PRDM5: variants seen among roughly 807,000 people sequenced by gnomAD.
PRDM5 encodes PR/SET domain 5, also known as PR domain zinc finger protein 5.
Under a neutral mutation model 81.2 loss-of-function variants are expected in PRDM5, and 56 were observed. That is an observed-to-expected ratio of 0.69 (90% CI 0.56 to 0.86). The LOEUF is 0.86. Among genes scored for constraint, PRDM5 ranks in the 40% least tolerant of loss-of-function variants. The probability of loss-of-function intolerance (pLI) is 0.00; values close to 1 mark genes in which losing one functional copy is unlikely to be tolerated. For missense variants in PRDM5, 697 were observed against 770.1 expected (o/e 0.91, Z 1.12); for synonymous variants, 267 against 256.4 (o/e 1.04, Z -0.39).
intron 13 of PRDM5, among the ~76,000 whole-genome samples, chr4:120,759,830 A>G (rs1745334452): frequency 6.6e-6 from 1 of 152,234 alleles, no homozygotes; most frequent in South Asian, 2.1e-4. Flanking sequence ...ACTAACATGT[A>G]AATTAATTAA....
intron 2 of PRDM5, among the ~76,000 whole-genome samples, chr4:120,870,092 G>A (rs1761619158): frequency 6.6e-6 from 1 of 151,950 alleles, no homozygotes; most frequent in Non-Finnish European, 1.5e-5. Context: ...GGGAGAAACA[G>A]CGAGATAAAG....
chr4:120,826,572 C>T (rs1048400587), intron 3 of PRDM5, among the ~76,000 whole-genome samples: 1 of 152,114 alleles, frequency 6.6e-6, no homozygotes, highest in African/African-American at 2.4e-5. Flanking sequence ...TCTCATAATA[C>T]TTGCTCAATA....
At chr4:120,910,239 A>C (rs1766356036) in intron 1 of PRDM5, among the ~76,000 whole-genome samples, 1 of 152,220 alleles carries the variant, frequency 6.6e-6, no homozygotes, top group Admixed American at 6.5e-5. Context: ...TGTTACAAAG[A>C]GTTCATCAAA....
intron 3 of PRDM5, among the ~76,000 whole-genome samples, chr4:120,825,764 C>T (rs1240272624): frequency 6.6e-6 from 1 of 152,136 alleles, no homozygotes; most frequent in Non-Finnish European, 1.5e-5. Flanking sequence ...CTTAAATGCT[C>T]TGCCCTGGAT....
At chr4:120,852,622 C>G (rs1759400406) in intron 3 of PRDM5, among the ~76,000 whole-genome samples, 1 of 151,894 alleles carries the variant, frequency 6.6e-6, no homozygotes, top group African/African-American at 2.4e-5. Flanking sequence ...TTACCAGCTC[C>G]TATAATCATT....
intron 15 of PRDM5, among the ~76,000 whole-genome samples, chr4:120,697,940 A>T (rs937759705): frequency 7.7e-6 from 1 of 129,260 alleles, no homozygotes. Context: ...ATCTGTATTA[A>T]TAAGTATACA....
Position 120,853,538 on chromosome 4 carries a change from A to G in PRDM5, c.180T>C (p.Val60=), listed in dbSNP as rs1490875418. 1 of 1,613,526 alleles carries G rather than the reference A, an allele frequency of 6.2e-7. No individual in the cohort carries two copies. Among genetic ancestry groups the G allele is most frequent in the East Asian group, 2.2e-5 (1 of 44,890 alleles). ...ACAAAACTTCTCCCTTACTCCCACG[A>G]ACCTGAAACATTAAAGGCTCCTGAG... The part of the protein sequence containing the change: ...ENMDYRLMWE[V]RGSKGEVLYI... Residue 60 remains valine (V), a splice_region_variant and synonymous_variant, in exon 3 of 16, where the codon GTT becomes GTC. Coordinates refer to ENST00000264808, the MANE Select transcript of PRDM5 (RefSeq NM_018699.4).
At chr4:120,721,778 C>T (rs1738642869) in intron 14 of PRDM5, among the ~76,000 whole-genome samples, 1 of 152,242 alleles carries the variant, frequency 6.6e-6, no homozygotes, top group Admixed American at 6.5e-5. Flanking sequence ...CAGAGTGACT[C>T]AGCGAGTCTA....
chr4:120,840,427 G>A (rs1280348332), intron 3 of PRDM5, among the ~76,000 whole-genome samples: 1 of 152,000 alleles, frequency 6.6e-6, no homozygotes, highest in Non-Finnish European at 1.5e-5. Flanking sequence ...CCATGGACAT[G>A]GCCCTGGGCA....
intron 3 of PRDM5, among the ~76,000 whole-genome samples, chr4:120,834,542 A>G (rs975541476): frequency 6.6e-6 from 1 of 152,184 alleles, no homozygotes; most frequent in Non-Finnish European, 1.5e-5. Context: ...GCTACCCAGC[A>G]TCATCTATTT....
At chr4:120,807,924 G>C (rs145438264) in intron 8 of PRDM5, among the ~76,000 whole-genome samples, 5,990 of 152,282 alleles carry the variant, frequency 0.039, 184 homozygotes, top group Non-Finnish European at 0.06. Flanking sequence ...TGAAGCTGCA[G>C]ACCTTCGCGG....
At chr4:120,702,070 G>A (rs1396576128) in intron 15 of PRDM5, among the ~76,000 whole-genome samples, 5 of 152,060 alleles carry the variant, frequency 3.3e-5, no homozygotes, top group Non-Finnish European at 7.4e-5. Context: ...TTTGCATAGG[G>A]GCAAGCATGC....
chr4:120,685,092 A>C (rs2148974203), intron 1 of PRDM5: 1 of 152,178 alleles, frequency 6.6e-6, no homozygotes, highest in East Asian at 1.9e-4. Flanking sequence ...TTTTTGATGT[A>C]ATTACATTAT....
intron 14 of PRDM5, among the ~76,000 whole-genome samples, chr4:120,745,619 G>C (rs1404081683): frequency 7.1e-6 from 1 of 140,362 alleles, no homozygotes; most frequent in African/African-American, 2.8e-5. Flanking sequence ...AAAATCACAA[G>C]CATTCCTATA....
At chr4:120,812,302 T>A (rs1213637612) in intron 7 of PRDM5, among the ~76,000 whole-genome samples, 1 of 152,140 alleles carries the variant, frequency 6.6e-6, no homozygotes, top group South Asian at 2.1e-4. Flanking sequence ...GGTATATATC[T>A]ACAGTGGAAT....
In PRDM5 at chr4:120,841,726, G is replaced by A. The variant is rs183945406; in HGVS notation, c.300+11692C>T. 1.5e-3 allele frequency among the ~76,000 whole-genome samples: 226 copies of A among 152,158 alleles called. 2 individuals are homozygous for A. Among genetic ancestry groups the A allele is most frequent in the Non-Finnish European group, 1.8e-3 (125 of 68,004 alleles). ...TCAAAAATACACACCACACACCCAC[G>A]CACTCACACGTACATGGTTGTTAGT... is the stretch of plus-strand genomic sequence containing the variant. On this transcript the variant is annotated intron_variant, in intron 3 of 15. Transcript: ENST00000264808.
chr4:120,867,375 C>CA (rs1761305609), intron 2 of PRDM5, among the ~76,000 whole-genome samples: 1 of 151,872 alleles, frequency 6.6e-6, no homozygotes, highest in Admixed American at 6.6e-5. Flanking sequence ...TTTAAAAAAC[C>CA]AAAACATATG....
intron 2 of PRDM5, among the ~76,000 whole-genome samples, chr4:120,884,973 A>AC (rs1385697223): frequency 2.0e-5 from 3 of 149,134 alleles, no homozygotes; most frequent in Non-Finnish European, 4.4e-5. Context: ...ACATGGTGAA[A>AC]CCCCCTCTCT....
rs1051343170 is a variant in PRDM5 at position 120,821,325 on chromosome 4, A to G, written c.321T>C (p.Tyr107=). ...CTGTTTCTATATCTTCAACTGCCAAATAGAAAATGTTTTCTCCTTCCTGAA... is the reference window on the plus strand; with the variant it reads ...CTGTTTCTATATCTTCAACTGCCAAGTAGAAAATGTTTTCTCCTTCCTGAA... The part of the protein sequence containing the change: ...AAIQEGENIF[Y]LAVEDIETDT... Residue 107 remains tyrosine (Y), a synonymous_variant, in exon 4 of 16, where the codon TAT becomes TAC. Transcript: ENST00000264808. 18 of 1,613,930 alleles carry G rather than the reference A, an allele frequency of 1.1e-5. No homozygotes were observed. The African/African-American group carries it at 2.1e-4, about 19-fold the overall frequency.
Sources: allele counts gnomAD v4.1 joint callset (sites outside exome capture counted in the v4.1 genomes callset), GRCh38; gene constraint gnomAD v4.1.1; transcripts MANE v1.5; gene names NCBI Gene and HGNC (gene_info 2026-07-23, HGNC 2026-07-21).